Variants in KCND2 observed in about 807,000 individuals in gnomAD.
KCND2 encodes potassium voltage-gated channel subfamily D member 2.
KCND2 carries 16 observed loss-of-function variants against 54.4 expected under a neutral mutation model. That is an observed-to-expected ratio of 0.29 (90% CI 0.20 to 0.45). The LOEUF (loss-of-function observed/expected upper bound fraction) is 0.45. Ranked by LOEUF, KCND2 falls within the 20% of genes least tolerant of loss-of-function variation. The pLI is 1.00. For synonymous variants in KCND2, 317 were observed against 310.7 expected (o/e 1.02, Z -0.21); for missense variants, 486 against 824.2 (o/e 0.59, Z 5.02).
At chr7:120,338,973 C>T (rs1337659020) in intron 1 of KCND2, among the ~76,000 whole-genome samples, 3 of 151,912 alleles carry the variant, frequency 2.0e-5, no homozygotes, top group East Asian at 1.9e-4. Flanking sequence ...CTCCACCTCC[C>T]GAGTTCACGC....
Position 120,702,544 on chromosome 7 carries a change from T to C in KCND2, c.1116-30359T>C, listed in dbSNP as rs558990707. 1.6e-4 allele frequency among the ~76,000 whole-genome samples: 25 copies of C among 152,258 alleles called. No homozygotes were observed. In the South Asian group the frequency reaches 3.5e-3, roughly 21 times the overall value. On this transcript the variant is annotated intron_variant, in intron 1 of 5. Coordinates refer to ENST00000331113, the MANE Select transcript of KCND2 (RefSeq NM_012281.3). ...AGCAAAGACATAGAATCAACCTAAA[T>C]GTCCATCAATAGTAGACTGGATAAA...
In KCND2 at chr7:120,455,375, C is replaced by T. The variant is rs149813795; in HGVS notation, c.1115+179628C>T. On this transcript the variant is annotated intron_variant, in intron 1 of 5. Coordinates refer to ENST00000331113, the MANE Select transcript of KCND2 (RefSeq NM_012281.3). ...TGGAACAGAATAGAGAGATTACACA[C>T]TACTGGTGAGAATGTAAATTAGTTC... Among the ~76,000 whole-genome samples the T allele has an allele frequency of 1.9e-4, 29 of 152,150 alleles. No individual in the cohort carries two copies. The East Asian group carries it at 4.3e-3, about 22-fold the overall frequency.
At chr7:120,656,863 A>G (rs780481742) in intron 1 of KCND2, among the ~76,000 whole-genome samples, 10 of 152,184 alleles carry the variant, frequency 6.6e-5, no homozygotes, top group Non-Finnish European at 8.8e-5. Context: ...TAGGAGGTGT[A>G]TAAAGGGGAA....
intron 1 of KCND2, among the ~76,000 whole-genome samples, chr7:120,394,770 G>A (rs1444390337): frequency 6.6e-6 from 1 of 151,976 alleles, no homozygotes; most frequent in Non-Finnish European, 1.5e-5. Flanking sequence ...AGTCATGTTA[G>A]ATTTCTCTCA....
At chr7:120,476,224 C>G (rs923563573) in intron 1 of KCND2, among the ~76,000 whole-genome samples, 3 of 152,206 alleles carry the variant, frequency 2.0e-5, no homozygotes, top group Admixed American at 2.0e-4. Flanking sequence ...AACCTTTCAA[C>G]CTTTCAATAC....
At position 120,273,212 on chromosome 7, in the gene KCND2, T is replaced by G. The variant is rs1799104409; in HGVS notation, c.-1421T>G. 6.6e-6 allele frequency among the ~76,000 whole-genome samples: 1 copy of G among 152,060 alleles called. No homozygotes were observed. The highest frequency in any genetic ancestry group is 6.5e-5 in the Admixed American group (1 of 15,278). ...GCGGGGCGTGCGCGCGGTTATTTAT[T>G]TATTTTCTCCTTATTTATTGATCGC... On this transcript the variant is annotated 5_prime_UTR_variant, in exon 1 of 6. It adds an upstream start codon to the 5' untranslated region. Transcript: ENST00000331113.
At chr7:120,596,676 AATCT>A (rs1422773773) in intron 1 of KCND2, among the ~76,000 whole-genome samples, 1 of 152,184 alleles carries the variant, frequency 6.6e-6, no homozygotes, top group Non-Finnish European at 1.5e-5. Flanking sequence ...TGGTAAATAA[AATCT>A]ATCTAATAGT....
chr7:120,735,203 G>T (rs1792855492), intron 2 of KCND2, among the ~76,000 whole-genome samples: 1 of 151,910 alleles, frequency 6.6e-6, no homozygotes, highest in Non-Finnish European at 1.5e-5. Flanking sequence ...GTAGAAAAAG[G>T]CACCCTCTGG....
chr7:120,729,256 G>A (rs1287900461), intron 1 of KCND2, among the ~76,000 whole-genome samples: 1 of 152,170 alleles, frequency 6.6e-6, no homozygotes, highest in East Asian at 1.9e-4. Context: ...TGAGAAGAGA[G>A]ACAAAATGAG....
At chr7:120,463,237 T>C (rs1584789336) in intron 1 of KCND2, among the ~76,000 whole-genome samples, 1 of 152,030 alleles carries the variant, frequency 6.6e-6, no homozygotes, top group Non-Finnish European at 1.5e-5. Context: ...GTATGTCCTT[T>C]TTTTTTCAAT....
chr7:120,579,718 A>G (rs565315690), intron 1 of KCND2, among the ~76,000 whole-genome samples: 182 of 152,046 alleles, frequency 1.2e-3, no homozygotes, highest in Admixed American at 2.7e-3. Flanking sequence ...AAAAATCATT[A>G]TTACATTTTT....
At chr7:120,666,121 A>C (rs1436932518) in intron 1 of KCND2, among the ~76,000 whole-genome samples, 1 of 152,062 alleles carries the variant, frequency 6.6e-6, no homozygotes, top group Non-Finnish European at 1.5e-5. Context: ...TGAGTGCATC[A>C]TGCCTGTCCA....
chr7:120,650,950 G>T (rs1327327376), intron 1 of KCND2, among the ~76,000 whole-genome samples: 3 of 143,306 alleles, frequency 2.1e-5, no homozygotes, highest in Non-Finnish European at 4.5e-5. Context: ...AACAGCAAAC[G>T]TTGCCACCTG....
chr7:120,412,134 A>C (rs957738869), intron 1 of KCND2, among the ~76,000 whole-genome samples: 1 of 152,106 alleles, frequency 6.6e-6, no homozygotes, highest in African/African-American at 2.4e-5. Context: ...TAAACAATAA[A>C]GGGACTGATT....
chr7:120,502,454 T>C (rs866050558), intron 1 of KCND2, among the ~76,000 whole-genome samples: 15 of 152,090 alleles, frequency 9.9e-5, no homozygotes, highest in Middle Eastern at 3.4e-3. Flanking sequence ...GTATTTAAGC[T>C]CTCTTATGAG....
intron 1 of KCND2, among the ~76,000 whole-genome samples, chr7:120,547,809 A>G (rs1562870013): frequency 6.6e-6 from 1 of 151,964 alleles, no homozygotes; most frequent in African/African-American, 2.4e-5. Flanking sequence ...GTGCATTAAT[A>G]TTGACTTGAG....
intron 1 of KCND2, among the ~76,000 whole-genome samples, chr7:120,640,547 G>A (rs1206669154): frequency 1.3e-5 from 2 of 152,106 alleles, no homozygotes; most frequent in South Asian, 2.1e-4. Context: ...AAATGTCTTA[G>A]AGGAGGAATA....
At chr7:120,434,428 C>A (rs868138056) in intron 1 of KCND2, among the ~76,000 whole-genome samples, 3 of 152,160 alleles carry the variant, frequency 2.0e-5, no homozygotes, top group African/African-American at 7.2e-5. Context: ...TTCTTAGATA[C>A]CTAGAGCAGC....
intron 1 of KCND2, among the ~76,000 whole-genome samples, chr7:120,618,114 G>A (rs1449885484): frequency 3.3e-5 from 5 of 152,022 alleles, no homozygotes; most frequent in Admixed American, 6.6e-5. Context: ...CCAGTGACAC[G>A]ATTTACTAGT....
Sources: allele counts gnomAD v4.1 joint callset (sites outside exome capture counted in the v4.1 genomes callset), GRCh38; gene constraint gnomAD v4.1.1; transcripts MANE v1.5; gene names NCBI Gene and HGNC (gene_info 2026-07-23, HGNC 2026-07-21).